Variants in TNN observed in about 807,000 individuals in gnomAD.
TNN encodes the protein tenascin N.
In TNN, 122 loss-of-function variants were observed where a neutral mutation model predicts 134.4. The observed-to-expected ratio is 0.91, with a 90% CI of 0.78 to 1.06. The LOEUF is 1.06. Among genes scored for constraint, TNN ranks in the 50% least tolerant of loss-of-function variants. The pLI is 0.00. For missense variants in TNN, 1,739 were observed against 1,699.4 expected, an observed-to-expected ratio of 1.02 and a Z score of -0.41; for synonymous variants, 710 against 670.3, an observed-to-expected ratio of 1.06 and a Z score of -0.91.
At chr1:175,100,727 A>G (rs1674701077) in intron 9 of TNN, among the ~76,000 whole-genome samples, 1 of 152,092 alleles carries the variant, frequency 6.6e-6, no homozygotes, top group African/African-American at 2.4e-5. Context: ...ATGTATTTTT[A>G]AGTATCTTCT....
Position 175,080,258 on chromosome 1 carries a change from A to G in TNN, c.880A>G (p.Ser294Gly). 6 of 1,614,114 alleles carry G rather than the reference A, an allele frequency of 3.7e-6. No homozygotes were observed. The highest frequency in any genetic ancestry group is 5.1e-6 in the Non-Finnish European group (6 of 1,180,002). The part of the protein sequence containing the change: ...PSSQVDHYLL[S>G]YYPLGKELSG... ...CAGCCAGGTGGATCACTACCTCCTC[A>G]GCTACTACCCCCTGGGGAAGGAGCT... is the stretch of plus-strand genomic sequence containing the variant. The change falls in exon 4 of 19, where the codon AGC (serine) becomes GGC (glycine). Residue 294 changes from serine to glycine, a missense_variant. Ser to Gly is a moderately conservative substitution (Grantham distance 56). Transcript: ENST00000239462.
At chr1:175,113,579 C>T (rs1355110525) in intron 9 of TNN, among the ~76,000 whole-genome samples, 1 of 152,108 alleles carries the variant, frequency 6.6e-6, no homozygotes, top group Non-Finnish European at 1.5e-5. Flanking sequence ...CTTGAGCTTC[C>T]TAGATCTGAA....
chr1:175,126,966 C>T lies in TNN; in HGVS notation c.2926C>T (p.Pro976Ser). ...CTTTCTACGTACAGAACTCGACCCT[C>T]CCAGAAACCTTCGTCCATCTGCTGT... ...DTKAQTELDP[P>S]RNLRPSAVTQ... Residue 976 changes from proline to serine, a missense_variant, in exon 13 of 19, where the codon CCC (proline) becomes TCC (serine). Physicochemically the swap from Pro to Ser is moderately conservative, Grantham distance 74. Coordinates refer to ENST00000239462, the MANE Select transcript of TNN (RefSeq NM_022093.2). 6.2e-7 allele frequency: 1 copy of T among 1,613,250 alleles called. No individual in the cohort carries two copies. Among genetic ancestry groups the T allele is most frequent in the Non-Finnish European group, 8.5e-7 (1 of 1,179,716 alleles).
intron 13 of TNN, among the ~76,000 whole-genome samples, 157 bp downstream of exon 13, chr1:175,127,242 G>T (rs558609852): frequency 2.0e-4 from 30 of 152,274 alleles, no homozygotes; most frequent in Admixed American, 1.4e-3. Context: ...TTTGTTTATT[G>T]TTAGTCTTCC....
chr1:175,074,350 TG>T (rs1273759776), intron 1 of TNN, among the ~76,000 whole-genome samples: 2 of 151,946 alleles, frequency 1.3e-5, no homozygotes, highest in Non-Finnish European at 2.9e-5. Context: ...CCAGGCACTG[TG>T]ACATATACCT....
At chr1:175,083,698 T>A (rs968036856) in intron 4 of TNN, 52 bp from the exon 5 acceptor site, 2 of 1,569,316 alleles carry the variant, frequency 1.3e-6, no homozygotes, top group Non-Finnish European at 1.7e-6. Context: ...CACAGAACCT[T>A]GGAACCTCTG....
intron 1 of TNN, among the ~76,000 whole-genome samples, chr1:175,068,924 A>G (rs922998651): frequency 6.6e-6 from 1 of 152,108 alleles, no homozygotes. Context: ...CAAAAACAAA[A>G]CAAAGCAAAC....
At chr1:175,109,160 C>T (rs1186581649) in intron 9 of TNN, among the ~76,000 whole-genome samples, 2 of 132,524 alleles carry the variant, frequency 1.5e-5, no homozygotes, top group African/African-American at 5.9e-5. Flanking sequence ...GCAATCTCGG[C>T]TCACTGCAAG....
chr1:175,118,769 G>T lies in TNN; in HGVS notation c.2595G>T (p.Val865=), dbSNP rs771716198. 10 of 1,614,122 alleles carry T rather than the reference G, an allele frequency of 6.2e-6. No individual in the cohort carries two copies. The highest frequency in any genetic ancestry group is 8.5e-6 in the Non-Finnish European group (10 of 1,180,058). The part of the protein sequence containing the change: ...LRPGMEYTVH[V]WAQKGNQESK... ...CGGGCATGGAGTACACGGTGCACGT[G>T]TGGGCCCAGAAGGGGAACCAGGAGA... Residue 865 remains valine (V), a synonymous_variant, in exon 11 of 19, where the codon GTG becomes GTT. Transcript: ENST00000239462.
chr1:175,119,637 TC>T (rs1235166873), intron 11 of TNN, among the ~76,000 whole-genome samples: 1,679 of 144,344 alleles, frequency 0.012, 125 homozygotes, highest in African/African-American at 0.044. Flanking sequence ...GCCTTTTTTT[TC>T]TTTTTTTTTT....
chr1:175,079,025 C>G (rs538423156), intron 2 of TNN, among the ~76,000 whole-genome samples: 1 of 152,028 alleles, frequency 6.6e-6, no homozygotes, highest in Non-Finnish European at 1.5e-5. Flanking sequence ...AGGAAGGAAC[C>G]GGGGAATTCA....
In TNN at chr1:175,098,434, G is replaced by C. The variant is rs142549967; in HGVS notation, c.1958G>C (p.Arg653Pro). 89 of 1,614,060 alleles carry C rather than the reference G, an allele frequency of 5.5e-5. No individual in the cohort carries two copies. Among genetic ancestry groups the C allele is most frequent in the Non-Finnish European group, 6.5e-5 (77 of 1,180,032 alleles). The change falls in exon 9 of 19, where the codon CGC (arginine) becomes CCC (proline). Residue 653 changes from arginine to proline, a missense_variant. Physicochemically the swap from Arg to Pro is moderately radical, Grantham distance 103. Coordinates refer to ENST00000239462, the MANE Select transcript of TNN (RefSeq NM_022093.2). ...GCCGCCATTGACAAGTACGTGGTGC[G>C]CTACACCTCTGCTGGTGGAGAGACC... The part of the protein sequence containing the change: ...VQAAIDKYVV[R>P]YTSAGGETRE...
At chr1:175,127,886 G>A (rs1272101488) in intron 13 of TNN, 146 bp from the exon 14 acceptor site, 1 of 884,914 alleles carries the variant, frequency 1.1e-6, no homozygotes, top group Admixed American at 2.1e-5. Context: ...CTGCGATTCT[G>A]GGCTGCCACT....
At chr1:175,076,722 C>A (rs1210013645) in intron 1 of TNN, among the ~76,000 whole-genome samples, 2 of 152,206 alleles carry the variant, frequency 1.3e-5, no homozygotes, top group East Asian at 3.8e-4. Flanking sequence ...GGACAACTTG[C>A]TCAGCTTTCT....
chr1:175,131,045 T>TG (rs1246904529), intron 15 of TNN, among the ~76,000 whole-genome samples: 9 of 151,904 alleles, frequency 5.9e-5, no homozygotes, highest in Admixed American at 1.3e-4. Context: ...ACAGTTTTTT[T>TG]GGGGGGGTTC....
intron 9 of TNN, among the ~76,000 whole-genome samples, chr1:175,115,926 G>A (rs888584341): frequency 2.6e-5 from 4 of 152,144 alleles, no homozygotes; most frequent in African/African-American, 9.7e-5. Context: ...GCTCTTACCT[G>A]GGCAATGGGG....
At chr1:175,109,573 A>T (rs1265516409) in intron 9 of TNN, among the ~76,000 whole-genome samples, 3 of 151,776 alleles carry the variant, frequency 2.0e-5, no homozygotes, top group Admixed American at 2.0e-4. Context: ...ACTTAACATA[A>T]TAACCTCCAG....
rs565124049 is a variant in TNN at position 175,125,235 on chromosome 1, G to A, written c.2914+1572G>A. Among the ~76,000 whole-genome samples the A allele has an allele frequency of 3.9e-5, 6 of 152,242 alleles. No individual in the cohort carries two copies. In the South Asian group the frequency reaches 1.0e-3, roughly 26 times the overall value. ...ATTTCTATTAAAATACTGCAATTCA[G>A]CTCTCAGCTGAAATGCTACTGGGTA... On this transcript the variant is annotated intron_variant, in intron 12 of 18. Coordinates refer to ENST00000239462, the MANE Select transcript of TNN (RefSeq NM_022093.2).
At chr1:175,135,741 A>T in intron 15 of TNN, 104 bp from the exon 16 acceptor site, 1 of 823,626 alleles carries the variant, frequency 1.2e-6, no homozygotes, top group South Asian at 1.5e-5. Context: ...AAGGCTTGCT[A>T]GCTGGAGGAA....
Sources: allele counts gnomAD v4.1 joint callset (sites outside exome capture counted in the v4.1 genomes callset), GRCh38; gene constraint gnomAD v4.1.1; transcripts MANE v1.5; gene names NCBI Gene and HGNC (gene_info 2026-07-23, HGNC 2026-07-21).